TAB2: variants seen among roughly 807,000 people sequenced by gnomAD.
The protein encoded by TAB2 is TGF-beta-activated kinase 1 and MAP3K7-binding protein 2.
TAB2 carries 3 observed loss-of-function variants against 65.0 expected under a neutral mutation model. That is an observed-to-expected ratio of 0.05 (90% CI 0.02 to 0.12). The LOEUF is 0.12. Ranked by LOEUF, TAB2 falls within the 10% of genes least tolerant of loss-of-function variation. TAB2 has a pLI of 1.00. For missense variants in TAB2, 623 were observed against 840.3 expected (o/e 0.74, Z 3.20); for synonymous variants, 298 against 285.1 (o/e 1.05, Z -0.46).
intron 3 of TAB2, among the ~76,000 whole-genome samples, chr6:149,395,483 C>T (rs767463479): frequency 1.3e-5 from 2 of 152,126 alleles, no homozygotes; most frequent in African/African-American, 4.8e-5. Flanking sequence ...TTTTAACTTC[C>T]TTTAGCACAG....
At chr6:149,297,498 T>C (rs1321955537) in intron 1 of TAB2, among the ~76,000 whole-genome samples, 3 of 152,330 alleles carry the variant, frequency 2.0e-5, no homozygotes, top group Non-Finnish European at 2.9e-5. Flanking sequence ...ATTCAATTCA[T>C]GTAATTTTTA....
At chr6:149,263,387 C>G (rs1778193358) in intron 1 of TAB2, among the ~76,000 whole-genome samples, 1 of 152,252 alleles carries the variant, frequency 6.6e-6, no homozygotes, top group South Asian at 2.1e-4. Flanking sequence ...ATTCTTATTA[C>G]TATGCAGACA....
intron 2 of TAB2, among the ~76,000 whole-genome samples, chr6:149,373,582 G>A (rs1295064158): frequency 6.6e-6 from 1 of 152,178 alleles, no homozygotes; most frequent in Non-Finnish European, 1.5e-5. Context: ...AGGAGTGAAT[G>A]AATGCCATAG....
chr6:149,218,035 G>A (rs950760997), upstream of TAB2: 5 of 152,272 alleles, frequency 3.3e-5, no homozygotes, highest in East Asian at 1.9e-4. Context: ...GCAGAACTAC[G>A]AGACAAGAGG....
chr6:149,317,349 G>A (rs1301652011), upstream of TAB2, among the ~76,000 whole-genome samples: 6 of 151,980 alleles, frequency 3.9e-5, no homozygotes, highest in African/African-American at 1.4e-4. The surrounding 1 kb of genome is among the most constrained non-coding windows in gnomAD (Gnocchi z 4.7). Flanking sequence ...AGCAAGACAG[G>A]CGTAGAGACT....
intron 1 of TAB2, among the ~76,000 whole-genome samples, chr6:149,266,985 G>A (rs1016389633): frequency 8.5e-5 from 13 of 152,232 alleles, no homozygotes; most frequent in African/African-American, 3.1e-4. Flanking sequence ...GCAAAAGAAA[G>A]AGGTTGGAAA....
chr6:149,373,045 A>G (rs1781281887), intron 2 of TAB2, among the ~76,000 whole-genome samples: 1 of 152,140 alleles, frequency 6.6e-6, no homozygotes, highest in Admixed American at 6.5e-5. Flanking sequence ...AAAAGTGTCT[A>G]TCCTCTTTTC....
At chr6:149,281,547 T>A (rs6921428) in intron 1 of TAB2, among the ~76,000 whole-genome samples, 1 of 112,634 alleles carries the variant, frequency 8.9e-6, no homozygotes, top group Non-Finnish European at 1.8e-5. Flanking sequence ...CACAGCAAGA[T>A]GCCATCTCAA....
chr6:149,384,813 T>C (rs1305857503), intron 3 of TAB2, among the ~76,000 whole-genome samples: 1 of 152,118 alleles, frequency 6.6e-6, no homozygotes, highest in Non-Finnish European at 1.5e-5. Context: ...CAAATTTTCA[T>C]GGTGGAGAGA....
chr6:149,306,551 C>G (rs1779074124), intron 1 of TAB2, among the ~76,000 whole-genome samples: 1 of 124,790 alleles, frequency 8.0e-6, no homozygotes, highest in Non-Finnish European at 1.6e-5. Context: ...GAGCAAGACT[C>G]CGTCTCAAAA....
At chr6:149,323,003 C>G (rs1779502756) in intron 1 of TAB2, among the ~76,000 whole-genome samples, 1 of 152,136 alleles carries the variant, frequency 6.6e-6, no homozygotes, top group South Asian at 2.1e-4. Flanking sequence ...CAGAACATGT[C>G]TTCCTTTCAG....
chr6:149,266,578 G>C (rs1778269480), intron 1 of TAB2, among the ~76,000 whole-genome samples: 1 of 152,180 alleles, frequency 6.6e-6, no homozygotes, highest in African/African-American at 2.4e-5. Context: ...ACAGTGATCG[G>C]CTTATAACCC....
At chr6:149,308,332 A>G (rs758740307) in intron 1 of TAB2, among the ~76,000 whole-genome samples, 1 of 152,174 alleles carries the variant, frequency 6.6e-6, no homozygotes, top group Non-Finnish European at 1.5e-5. Context: ...GGATACAAGA[A>G]TGCCTCTGTC....
chr6:149,227,355 T>TA (rs776936639), intron 1 of TAB2, among the ~76,000 whole-genome samples: 7 of 152,268 alleles, frequency 4.6e-5, no homozygotes, highest in Non-Finnish European at 8.8e-5. Context: ...TTGAAAATAT[T>TA]AAAAAATGAG....
At chr6:149,267,899 A>T (rs1330808213) in intron 1 of TAB2, among the ~76,000 whole-genome samples, 1 of 152,214 alleles carries the variant, frequency 6.6e-6, no homozygotes, top group Non-Finnish European at 1.5e-5. Flanking sequence ...TTACGGGACC[A>T]CTGTCGTATA....
At chr6:149,288,733 T>C (rs12527657) in intron 1 of TAB2, among the ~76,000 whole-genome samples, 1 of 152,214 alleles carries the variant, frequency 6.6e-6, no homozygotes, top group Non-Finnish European at 1.5e-5. Flanking sequence ...GCTGAGTCAC[T>C]TGAACTAACA....
intron 1 of TAB2, among the ~76,000 whole-genome samples, chr6:149,275,744 G>A: frequency 6.6e-6 from 1 of 152,216 alleles, no homozygotes; most frequent in East Asian, 1.9e-4. Flanking sequence ...TGCTCTTGAT[G>A]TGATGTGATG....
chr6:149,232,925 T>G (rs1409354306), intron 1 of TAB2, among the ~76,000 whole-genome samples: 1 of 152,046 alleles, frequency 6.6e-6, no homozygotes, highest in Admixed American at 6.5e-5. Flanking sequence ...CTGCTGTACT[T>G]CCCTCACAGC....
Position 149,379,357 on chromosome 6 carries a change from T to G in TAB2, c.1442T>G (p.Val481Gly). ...CCCCCTGCAGTTTCACCAGGGGTGG[T>G]GTCCCCTACCTTTGAACTTACAAAT... The part of the protein sequence containing the change: ...NKPPAVSPGV[V>G]SPTFELTNLL... Residue 481 changes from valine to glycine, a missense_variant, in exon 3 of 7, where the codon GTG becomes GGG. Around this residue, in one of 3 missense-constraint regions of TAB2, gnomAD observed 550 missense variants for 665.7 expected, o/e 0.83. Coordinates refer to ENST00000637181, the MANE Select transcript of TAB2 (RefSeq NM_001292034.3). The G allele has an allele frequency of 6.2e-7, 1 of 1,614,180 alleles. No homozygotes were observed. The highest frequency in any genetic ancestry group is 8.5e-7 in the Non-Finnish European group (1 of 1,180,034).
Sources: gnomAD v4.1 joint callset for allele counts (sites outside exome capture counted in the v4.1 genomes callset) on GRCh38, gnomAD v4.1.1 for gene constraint, gnomAD v4.1.1 regional missense constraint, Gnocchi (gnomAD v3.1) non-coding constraint, MANE v1.5 for transcripts, NCBI Gene and HGNC (gene_info 2026-07-23, HGNC 2026-07-21) for gene names.